COL25A1: variants seen among roughly 807,000 people sequenced by gnomAD.
COL25A1 encodes collagen type XXV alpha 1 chain.
In COL25A1, 103 loss-of-function variants were observed where a neutral mutation model predicts 128.4. The ratio of observed to expected loss-of-function variants is 0.80; its 90% CI spans 0.68 to 0.94. COL25A1 has a LOEUF of 0.94. Among genes scored for constraint, COL25A1 ranks in the 40% least tolerant of loss-of-function variants. The pLI is 0.00. For synonymous variants in COL25A1, 279 were observed against 277.2 expected (o/e 1.01, Z -0.06); for missense variants, 745 against 840.0 (o/e 0.89, Z 1.40).
At chr4:109,258,316 C>T (rs180782378) in intron 3 of COL25A1, among the ~76,000 whole-genome samples, 165 of 152,338 alleles carry the variant, frequency 1.1e-3, no homozygotes, top group Non-Finnish European at 1.9e-3. Flanking sequence ...TGCCTATATG[C>T]ATTTTTATAT....
chr4:109,179,507 A>T lies in COL25A1; in HGVS notation c.367+121076T>A, dbSNP rs555217594. 8.5e-5 allele frequency among the ~76,000 whole-genome samples: 13 copies of T among 152,338 alleles called. No homozygotes were observed. The South Asian group carries it at 2.7e-3, about 32-fold the overall frequency. On this transcript the variant is annotated intron_variant, in intron 3 of 37. Coordinates refer to ENST00000399132, the MANE Select transcript of COL25A1 (RefSeq NM_198721.4). ...CCAAACCCCCTGTTAGAAACCTTGT[A>T]TGTTAGGATAGAGAAAGGTAATTCC... is the stretch of plus-strand genomic sequence containing the variant.
intron 5 of COL25A1, among the ~76,000 whole-genome samples, chr4:109,047,797 A>T (rs1448308436): frequency 4.4e-5 from 6 of 137,272 alleles, no homozygotes; most frequent in African/African-American, 1.6e-4. Context: ...CAGTGGCATG[A>T]TCTCGGCTCA....
chr4:109,207,745 T>C (rs1423615605), intron 3 of COL25A1, among the ~76,000 whole-genome samples: 1 of 152,140 alleles, frequency 6.6e-6, no homozygotes, highest in Non-Finnish European at 1.5e-5. Flanking sequence ...AATTGCTCAT[T>C]AAAAAATATT....
Position 109,108,977 on chromosome 4 carries a change from T to A in COL25A1, c.368-58798A>T, listed in dbSNP as rs1357936553. ...TGTAACTGAGCCCATTTTACAGATA[T>A]GCCTGTACAATCAAGTAAAGAAAGA... On this transcript the variant is annotated intron_variant, in intron 3 of 37. Coordinates refer to ENST00000399132, the MANE Select transcript of COL25A1 (RefSeq NM_198721.4). Among the ~76,000 whole-genome samples the A allele has an allele frequency of 2.6e-5, 4 of 152,226 alleles. No homozygotes were observed. The South Asian group carries it at 8.3e-4, about 32-fold the overall frequency.
intron 5 of COL25A1, among the ~76,000 whole-genome samples, chr4:109,012,439 G>A (rs1414357941): frequency 1.3e-5 from 2 of 152,188 alleles, no homozygotes; most frequent in Non-Finnish European, 1.5e-5. Flanking sequence ...GCCAAGGCCG[G>A]AGCTGGCTCC....
At chr4:109,278,619 A>G (rs1222852982) in intron 3 of COL25A1, among the ~76,000 whole-genome samples, 4 of 152,204 alleles carry the variant, frequency 2.6e-5, no homozygotes, top group African/African-American at 9.6e-5. Context: ...GGCTAATTGC[A>G]GGAAATTGCC....
intron 13 of COL25A1, 57 bp downstream of exon 13, chr4:108,918,115 T>G: frequency 1.8e-6 from 2 of 1,098,366 alleles, no homozygotes; most frequent in Non-Finnish European, 2.7e-6. Context: ...TAGAATAATT[T>G]TGTGATTTCA....
chr4:109,253,931 C>CA (rs1479430104), intron 3 of COL25A1, among the ~76,000 whole-genome samples: 3 of 151,810 alleles, frequency 2.0e-5, no homozygotes, highest in African/African-American at 7.3e-5. Flanking sequence ...ACTAAAAATA[C>CA]AAAAAATTAT....
chr4:109,041,457 T>C (rs1759886618), intron 5 of COL25A1, among the ~76,000 whole-genome samples: 1 of 152,118 alleles, frequency 6.6e-6, no homozygotes, highest in Non-Finnish European at 1.5e-5. Context: ...CTCTAAAATG[T>C]TACAAGACTG....
chr4:109,075,170 AT>A (rs1490256413), intron 3 of COL25A1, among the ~76,000 whole-genome samples: 1 of 152,168 alleles, frequency 6.6e-6, no homozygotes, highest in African/African-American at 2.4e-5. Context: ...AAACATCAGC[AT>A]TTTCTGAGTT....
At chr4:108,939,251 T>A (rs1381856659) in intron 10 of COL25A1, among the ~76,000 whole-genome samples, 1 of 152,210 alleles carries the variant, frequency 6.6e-6, no homozygotes, top group Non-Finnish European at 1.5e-5. Context: ...GCTGTGGATC[T>A]CTCTACCTTT....
Position 109,131,486 on chromosome 4 carries a change from G to A in COL25A1, c.368-81307C>T, listed in dbSNP as rs116372385. On this transcript the variant is annotated intron_variant, in intron 3 of 37. Transcript: ENST00000399132. ...TACTCAATCAGATCATCTTTGGTAG[G>A]ATATGTATTTTGTTATTTAACACCA... Among the ~76,000 whole-genome samples the A allele has an allele frequency of 7.3e-3, 1,115 of 152,238 alleles. 8 individuals carry two copies. Among genetic ancestry groups the A allele is most frequent in the African/African-American group, 0.026 (1,067 of 41,532 alleles).
chr4:108,956,490 C>T (rs1204675624), intron 8 of COL25A1, among the ~76,000 whole-genome samples: 1 of 152,326 alleles, frequency 6.6e-6, no homozygotes, highest in Middle Eastern at 3.4e-3. Flanking sequence ...ACTGCAAACT[C>T]CACCTCCCAG....
chr4:108,832,226 T>A (rs1252250472), intron 32 of COL25A1, among the ~76,000 whole-genome samples, 154 bp downstream of exon 32: 1 of 152,214 alleles, frequency 6.6e-6, no homozygotes, highest in Non-Finnish European at 1.5e-5. Flanking sequence ...CTCTCAATAT[T>A]AGGACTCTGA....
intron 3 of COL25A1, among the ~76,000 whole-genome samples, chr4:109,079,339 T>C (rs1334347335): frequency 6.6e-6 from 1 of 152,218 alleles, no homozygotes; most frequent in African/African-American, 2.4e-5. Context: ...CAATCCAGTT[T>C]AACTGTGTAG....
intron 3 of COL25A1, among the ~76,000 whole-genome samples, chr4:109,063,313 A>C (rs1762140674): frequency 6.6e-6 from 1 of 151,912 alleles, no homozygotes; most frequent in Non-Finnish European, 1.5e-5. Context: ...GACCAGCCTG[A>C]CCAACATGAT....
intron 3 of COL25A1, among the ~76,000 whole-genome samples, chr4:109,280,423 C>T (rs1438999275): frequency 6.6e-6 from 1 of 152,102 alleles, no homozygotes; most frequent in African/African-American, 2.4e-5. Context: ...GAAATAACAC[C>T]ATGCATAAAC....
chr4:109,071,131 G>A (rs2125982823), intron 3 of COL25A1, among the ~76,000 whole-genome samples: 1 of 152,182 alleles, frequency 6.6e-6, no homozygotes, highest in Middle Eastern at 3.4e-3. Flanking sequence ...AGAGCCCTCA[G>A]AAATAATACC....
intron 6 of COL25A1, among the ~76,000 whole-genome samples, chr4:109,004,373 T>A (rs549684387): frequency 6.6e-6 from 1 of 150,522 alleles, no homozygotes; most frequent in East Asian, 2.0e-4. Context: ...CAAAATAACA[T>A]GTGATATAGA....
Sources: gnomAD v4.1 joint callset for allele counts (sites outside exome capture counted in the v4.1 genomes callset) on GRCh38, gnomAD v4.1.1 for gene constraint, MANE v1.5 for transcripts, NCBI Gene and HGNC (gene_info 2026-07-23, HGNC 2026-07-21) for gene names.